BLTP3B: variants seen among roughly 807,000 people sequenced by gnomAD.
BLTP3B encodes UHRF1 (ICBP90) binding protein 1-like.
At chr12:100,056,476 T>G in the BLTP3B span, among the ~76,000 whole-genome samples, 2 of 152,004 alleles carry the variant, frequency 1.3e-5, no homozygotes, top group Non-Finnish European at 2.9e-5. Flanking sequence ...CTTGTTATAT[T>G]TATTATGTTA....
At chr12:100,070,079 GT>G in the BLTP3B span, 1 of 1,449,696 alleles carries the variant, frequency 6.9e-7, no homozygotes, top group South Asian at 1.5e-5. Context: ...CAATGCTTGA[GT>G]TTCAACTGTG....
At chr12:100,083,653 G>A in the BLTP3B span, among the ~76,000 whole-genome samples, 1 of 150,254 alleles carries the variant, frequency 6.7e-6, no homozygotes, top group South Asian at 2.1e-4. Context: ...TTGTATACAT[G>A]TATCAAAATA....
At chr12:100,081,850 T>C in the BLTP3B span, among the ~76,000 whole-genome samples, 1 of 152,224 alleles carries the variant, frequency 6.6e-6, no homozygotes, top group Admixed American at 6.5e-5. Context: ...ACTTTGTTAT[T>C]GTGAATAGTG....
chr12:100,115,497 C>T, the BLTP3B span, among the ~76,000 whole-genome samples: 15 of 152,156 alleles, frequency 9.9e-5, no homozygotes, highest in Non-Finnish European at 1.5e-4. Flanking sequence ...GGCCGGGCGT[C>T]GTGGCTCACA....
At chr12:100,065,269 C>T in the BLTP3B span, among the ~76,000 whole-genome samples, 7 of 151,634 alleles carry the variant, frequency 4.6e-5, no homozygotes, top group African/African-American at 1.7e-4. Flanking sequence ...GATTGAAAAA[C>T]GTGTGTTTGA....
At chr12:100,106,921 C>A in the BLTP3B span, among the ~76,000 whole-genome samples, 2 of 152,134 alleles carry the variant, frequency 1.3e-5, no homozygotes, top group Non-Finnish European at 2.9e-5. Flanking sequence ...AGTATTTCAA[C>A]TAAGCAGACA....
chr12:100,064,203 AG>A, the BLTP3B span, among the ~76,000 whole-genome samples: 1 of 152,228 alleles, frequency 6.6e-6, no homozygotes, highest in Admixed American at 6.5e-5. Context: ...CTCGAAGACA[AG>A]GTCTTTGAAT....
At chr12:100,136,465 G>T in the BLTP3B span, among the ~76,000 whole-genome samples, 1 of 152,126 alleles carries the variant, frequency 6.6e-6, no homozygotes, top group African/African-American at 2.4e-5. Context: ...CCCACAAACT[G>T]AAGCCATGTC....
chr12:100,060,589 C>T, the BLTP3B span, among the ~76,000 whole-genome samples: 1 of 152,042 alleles, frequency 6.6e-6, no homozygotes, highest in Non-Finnish European at 1.5e-5. Context: ...AAATTTATTC[C>T]CCACTTTTAA....
chr12:100,118,492 T>C, the BLTP3B span, among the ~76,000 whole-genome samples: 1 of 152,104 alleles, frequency 6.6e-6, no homozygotes, highest in Non-Finnish European at 1.5e-5. Flanking sequence ...AAAGACATGA[T>C]GACTAAATGT....
the BLTP3B span, chr12:100,060,117 T>C: frequency 2.4e-5 from 28 of 1,174,068 alleles, no homozygotes; most frequent in East Asian, 6.8e-4. Flanking sequence ...AAAAAATACA[T>C]GTTTAGTCAG....
chr12:100,096,777 T>C, the BLTP3B span, among the ~76,000 whole-genome samples: 1 of 151,896 alleles, frequency 6.6e-6, no homozygotes, highest in Non-Finnish European at 1.5e-5. Context: ...GCTAGGATTG[T>C]CCCACTGCAC....
chr12:100,135,281 C>CTTTTTTTTT, the BLTP3B span, among the ~76,000 whole-genome samples: 25,076 of 140,418 alleles, frequency 0.18, 4,207 homozygotes, highest in African/African-American at 0.44. Flanking sequence ...TTCTTTCTTT[C>CTTTTTTTTT]TTTTTTTTTT....
the BLTP3B span, among the ~76,000 whole-genome samples, chr12:100,134,917 G>T: frequency 6.6e-6 from 1 of 152,138 alleles, no homozygotes; most frequent in Non-Finnish European, 1.5e-5. Context: ...ATCTGCCTTC[G>T]TTCAATCCAA....
the BLTP3B span, among the ~76,000 whole-genome samples, chr12:100,076,503 C>T: frequency 6.6e-6 from 1 of 150,792 alleles, no homozygotes; most frequent in Non-Finnish European, 1.5e-5. Flanking sequence ...AAGCGATTCT[C>T]GTGCCTCAGC....
At chr12:100,054,645 G>GAC in the BLTP3B span, among the ~76,000 whole-genome samples, 1 of 152,138 alleles carries the variant, frequency 6.6e-6, no homozygotes, top group Non-Finnish European at 1.5e-5. Context: ...AGATTTTCAT[G>GAC]ACACACATTA....
the BLTP3B span, among the ~76,000 whole-genome samples, chr12:100,134,685 T>C: frequency 8.5e-5 from 13 of 152,224 alleles, no homozygotes; most frequent in African/African-American, 2.4e-4. Flanking sequence ...TCTTCTCCCA[T>C]AAGCCTGCTC....
the BLTP3B span, chr12:100,084,372 C>A: frequency 8.9e-7 from 1 of 1,128,536 alleles, no homozygotes; most frequent in South Asian, 1.9e-5. Context: ...ACAGGAAATA[C>A]TATGATCACA....
At chr12:100,074,939 C>A in the BLTP3B span, among the ~76,000 whole-genome samples, 1 of 151,926 alleles carries the variant, frequency 6.6e-6, no homozygotes, top group African/African-American at 2.4e-5. Context: ...GGGGAAAGGA[C>A]ACCCTATTCA....
Sources: gnomAD v4.1 joint callset for allele counts (sites outside exome capture counted in the v4.1 genomes callset) on GRCh38, gnomAD v4.1.1 for gene constraint, MANE v1.5 for transcripts, NCBI Gene and HGNC (gene_info 2026-07-23, HGNC 2026-07-21) for gene names.